ARHGAP10: variants seen among roughly 807,000 people sequenced by gnomAD.
ARHGAP10 encodes the protein rho GTPase-activating protein 10.
In ARHGAP10, 87 loss-of-function variants were observed where a neutral mutation model predicts 108.6. The observed-to-expected ratio is 0.80, with a 90% CI of 0.67 to 0.96. The LOEUF is 0.96. ARHGAP10 is among the 40% of genes least tolerant of loss of function. The pLI, the probability that ARHGAP10 is intolerant of heterozygous loss-of-function variation, is 0.00. For synonymous variants in ARHGAP10, 347 were observed against 341.1 expected, an observed-to-expected ratio of 1.02 and a Z score of -0.19; for missense variants, 939 against 954.5, an observed-to-expected ratio of 0.98 and a Z score of 0.21.
At chr4:147,934,730 G>A (rs1737858662) in intron 13 of ARHGAP10, among the ~76,000 whole-genome samples, 1 of 152,228 alleles carries the variant, frequency 6.6e-6, no homozygotes. Context: ...GCTAGTCGAG[G>A]GGCTGACATG....
intron 18 of ARHGAP10, among the ~76,000 whole-genome samples, chr4:148,006,236 G>A (rs913795693): frequency 6.6e-6 from 1 of 152,218 alleles, no homozygotes; most frequent in African/African-American, 2.4e-5. Flanking sequence ...CTACAGAGAC[G>A]GGGAGAGATA....
intron 13 of ARHGAP10, among the ~76,000 whole-genome samples, chr4:147,933,891 G>A (rs1737806589): frequency 6.6e-6 from 1 of 152,138 alleles, no homozygotes; most frequent in South Asian, 2.1e-4. Context: ...ACATGAGATT[G>A]TTCCCTGATT....
At chr4:147,837,709 A>C (rs921144426) in intron 3 of ARHGAP10, among the ~76,000 whole-genome samples, 7 of 123,962 alleles carry the variant, frequency 5.6e-5, no homozygotes, top group African/African-American at 2.0e-4. Context: ...CCATCTCATT[A>C]GTGGAACCCT....
At chr4:148,061,905 C>T (rs1004758966) in intron 20 of ARHGAP10, among the ~76,000 whole-genome samples, 3 of 151,928 alleles carry the variant, frequency 2.0e-5, no homozygotes, top group African/African-American at 4.8e-5. Context: ...TTATTGGTGT[C>T]GCAGGCCTTC....
chr4:148,069,170 T>C (rs1013126553), intron 22 of ARHGAP10, among the ~76,000 whole-genome samples: 6 of 152,134 alleles, frequency 3.9e-5, no homozygotes, highest in African/African-American at 1.4e-4. Flanking sequence ...AGGTCAGATC[T>C]TCAGAGAGGG....
At chr4:147,769,058 T>TA (rs1008371050) in intron 1 of ARHGAP10, among the ~76,000 whole-genome samples, 4 of 152,050 alleles carry the variant, frequency 2.6e-5, no homozygotes, top group South Asian at 2.1e-4. Flanking sequence ...ATATGAAAAT[T>TA]AAAAAAACAT....
intron 1 of ARHGAP10, among the ~76,000 whole-genome samples, chr4:147,809,782 A>C (rs1230054955): frequency 1.3e-5 from 2 of 152,128 alleles, no homozygotes. Flanking sequence ...TCTCATAAGG[A>C]GTGTGCAACG....
intron 18 of ARHGAP10, among the ~76,000 whole-genome samples, chr4:148,008,087 G>A (rs1221112222): frequency 1.3e-5 from 2 of 152,130 alleles, no homozygotes; most frequent in Non-Finnish European, 2.9e-5. Flanking sequence ...CCTCATCCTA[G>A]GCTTCCTGTT....
chr4:148,017,682 A>ATATATATATATATGTGTG (rs1437383455), intron 18 of ARHGAP10, among the ~76,000 whole-genome samples: 22 of 135,258 alleles, frequency 1.6e-4, no homozygotes, highest in African/African-American at 6.3e-4. Context: ...ATATATATAT[A>ATATATATATATATGTGTG]TGTGTGTGTA....
chr4:148,008,842 G>A (rs1186487304), intron 18 of ARHGAP10, among the ~76,000 whole-genome samples: 1 of 152,034 alleles, frequency 6.6e-6, no homozygotes, highest in African/African-American at 2.4e-5. Flanking sequence ...ATGATATTAA[G>A]ACATTGAATT....
intron 1 of ARHGAP10, among the ~76,000 whole-genome samples, chr4:147,788,662 G>T (rs746325294): frequency 1.3e-5 from 2 of 152,144 alleles, no homozygotes; most frequent in Non-Finnish European, 2.9e-5. Context: ...TGTAGAATTT[G>T]CACAGTGGGT....
At chr4:147,774,627 G>T (rs1730213047) in intron 1 of ARHGAP10, among the ~76,000 whole-genome samples, 1 of 151,952 alleles carries the variant, frequency 6.6e-6, no homozygotes, top group East Asian at 1.9e-4. Context: ...TTCATGAGAG[G>T]GTGACCACCC....
chr4:148,022,983 G>T, intron 18 of ARHGAP10: 1 of 277,662 alleles, frequency 3.6e-6, no homozygotes, highest in Non-Finnish European at 6.8e-6. Flanking sequence ...GTCTATATCT[G>T]CTAAAGATAG....
intron 18 of ARHGAP10, among the ~76,000 whole-genome samples, chr4:147,979,718 GT>G (rs964715287): frequency 6.6e-6 from 1 of 152,162 alleles, no homozygotes; most frequent in Non-Finnish European, 1.5e-5. Flanking sequence ...TTTCAGCAGT[GT>G]TTTGTAGTTC....
At chr4:147,933,252 A>G (rs1328073310) in intron 13 of ARHGAP10, among the ~76,000 whole-genome samples, 5 of 151,990 alleles carry the variant, frequency 3.3e-5, no homozygotes, top group East Asian at 1.9e-4. Context: ...AGGTTTTGCT[A>G]TGTTGCCCAG....
chr4:147,754,089 A>G (rs536093992), intron 1 of ARHGAP10, among the ~76,000 whole-genome samples: 5 of 152,296 alleles, frequency 3.3e-5, no homozygotes, highest in South Asian at 2.1e-4. Flanking sequence ...GTCCTCCAGC[A>G]GTGTCTAGAA....
chr4:147,914,881 T>A (rs1736901778), intron 13 of ARHGAP10, among the ~76,000 whole-genome samples: 1 of 152,186 alleles, frequency 6.6e-6, no homozygotes, highest in Non-Finnish European at 1.5e-5. Context: ...AATTGGGCCC[T>A]TTTGCTATGC....
intron 20 of ARHGAP10, among the ~76,000 whole-genome samples, chr4:148,061,679 A>ATACCTACCAAGT (rs1283258762): frequency 6.6e-6 from 1 of 152,066 alleles, no homozygotes; most frequent in East Asian, 1.9e-4. Flanking sequence ...TGTGTATTAA[A>ATACCTACCAAGT]TACCTACCAA....
At chr4:147,911,309 T>C (rs146386356) in intron 12 of ARHGAP10, among the ~76,000 whole-genome samples, 1 of 152,294 alleles carries the variant, frequency 6.6e-6, no homozygotes, top group African/African-American at 2.4e-5. Context: ...GGATTAGTGT[T>C]ACTGTTCCCT....
Sources: allele counts gnomAD v4.1 joint callset (sites outside exome capture counted in the v4.1 genomes callset), GRCh38; gene constraint gnomAD v4.1.1; transcripts MANE v1.5; gene names NCBI Gene and HGNC (gene_info 2026-07-23, HGNC 2026-07-21).